PDE10A: variants seen among roughly 807,000 people sequenced by gnomAD.
PDE10A encodes the protein cAMP and cAMP-inhibited cGMP 3',5'-cyclic phosphodiesterase 10A.
PDE10A carries 39 observed loss-of-function variants against 97.7 expected under a neutral mutation model. That is an observed-to-expected ratio of 0.40 (90% CI 0.31 to 0.52). The LOEUF (loss-of-function observed/expected upper bound fraction) is 0.52. PDE10A is among the 20% of genes least tolerant of loss of function. The probability of loss-of-function intolerance (pLI) is 0.56; values close to 1 mark genes in which losing one functional copy is unlikely to be tolerated. For synonymous variants in PDE10A, 371 were observed against 376.8 expected (o/e 0.98, Z 0.18); for missense variants, 731 against 1,047.8 (o/e 0.70, Z 4.17).
chr6:165,335,784 C>G (rs895880436), intron 21 of PDE10A, among the ~76,000 whole-genome samples: 2 of 152,146 alleles, frequency 1.3e-5, no homozygotes, highest in African/African-American at 4.8e-5. Context: ...TCTCCCACAC[C>G]GAGACAGAGG....
chr6:165,482,282 TG>T, intron 3 of PDE10A, 32 bp downstream of exon 3: 1 of 1,376,608 alleles, frequency 7.3e-7, no homozygotes, highest in East Asian at 2.3e-5. Context: ...TTTCCTATAC[TG>T]CAGTAGTAGA....
intron 1 of PDE10A, among the ~76,000 whole-genome samples, chr6:165,963,950 G>T (rs752205295): frequency 1.3e-5 from 2 of 152,204 alleles, no homozygotes; most frequent in African/African-American, 4.8e-5. Context: ...GCAAGAATCC[G>T]TCAGCTAAGG....
At chr6:165,816,355 A>C (rs1312023837) in intron 1 of PDE10A, among the ~76,000 whole-genome samples, 1 of 152,232 alleles carries the variant, frequency 6.6e-6, no homozygotes, top group African/African-American at 2.4e-5. Flanking sequence ...CATTCACTAC[A>C]TCCTCACTCT....
chr6:165,397,378 T>G (rs1002415748), intron 13 of PDE10A, among the ~76,000 whole-genome samples: 1 of 152,064 alleles, frequency 6.6e-6, no homozygotes, highest in African/African-American at 2.4e-5. Flanking sequence ...TAAAGGATAG[T>G]TCACCATCTA....
Position 165,902,984 on chromosome 6 carries a change from C to T in PDE10A, c.-615+84545G>A, listed in dbSNP as rs546286292. On this transcript the variant is annotated intron_variant, in intron 1 of 19. Transcript: ENST00000366882. ...TATGTGGCCTATTTGTTACAGCAGC[C>T]GGCATTACTGTTACTAACACTACAA... Among the ~76,000 whole-genome samples the T allele has an allele frequency of 1.5e-4, 23 of 152,276 alleles. No individual in the cohort carries two copies. The South Asian group carries it at 2.3e-3, about 15-fold the overall frequency.
At chr6:165,417,887 C>T (rs943131929) in intron 11 of PDE10A, among the ~76,000 whole-genome samples, 5 of 152,174 alleles carry the variant, frequency 3.3e-5, no homozygotes, top group African/African-American at 1.2e-4. Flanking sequence ...TACCAGAGAA[C>T]TTTACGGTGT....
At position 165,711,856 on chromosome 6, in the gene PDE10A, A is replaced by G. The variant is rs774437309; in HGVS notation, c.-614-168288T>C. On this transcript the variant is annotated intron_variant, in intron 1 of 19. Coordinates refer to the PDE10A transcript ENST00000366882. The surrounding 1 kb of genome is among the most constrained non-coding windows in gnomAD (Gnocchi z 4.5). ...TGCTTTAGCATAAACAGCGGGATGTAGGAGTGTGTTGGTTGGTTTTATTCT... is the reference window on the plus strand; with the variant it reads ...TGCTTTAGCATAAACAGCGGGATGTGGGAGTGTGTTGGTTGGTTTTATTCT... 6.6e-6 allele frequency among the ~76,000 whole-genome samples: 1 copy of G among 152,168 alleles called. No homozygotes were observed. Among genetic ancestry groups the G allele is most frequent in the East Asian group, 1.9e-4 (1 of 5,190 alleles).
At chr6:165,984,093 G>A (rs181682463) in intron 1 of PDE10A, among the ~76,000 whole-genome samples, 1 of 152,188 alleles carries the variant, frequency 6.6e-6, no homozygotes, top group Non-Finnish European at 1.5e-5. Flanking sequence ...CATATTCTCA[G>A]ACAATTACCA....
chr6:165,830,256 C>T (rs868553398), intron 1 of PDE10A, among the ~76,000 whole-genome samples: 1 of 152,222 alleles, frequency 6.6e-6, no homozygotes, highest in Non-Finnish European at 1.5e-5. Flanking sequence ...AAAGGCGCCT[C>T]TGTCCCGCAC....
intron 1 of PDE10A, among the ~76,000 whole-genome samples, chr6:165,766,831 C>T (rs1412042335): frequency 2.6e-5 from 4 of 152,188 alleles, no homozygotes; most frequent in African/African-American, 9.7e-5. Context: ...GTACTTAGAA[C>T]CATTCCATTT....
chr6:165,692,908 AGT>A (rs1391482386), intron 1 of PDE10A, among the ~76,000 whole-genome samples: 1 of 152,204 alleles, frequency 6.6e-6, no homozygotes, highest in Admixed American at 6.5e-5. Flanking sequence ...CTAAATCCGC[AGT>A]GTCTGTACGG....
At chr6:165,785,081 G>T (rs1015261593) in intron 1 of PDE10A, among the ~76,000 whole-genome samples, 2 of 152,226 alleles carry the variant, frequency 1.3e-5, no homozygotes, top group Non-Finnish European at 2.9e-5. Context: ...GAGTCTCAAA[G>T]ACATGAATTC....
chr6:165,716,363 T>C (rs914176931), intron 1 of PDE10A, among the ~76,000 whole-genome samples: 2 of 152,256 alleles, frequency 1.3e-5, no homozygotes, highest in African/African-American at 4.8e-5. Flanking sequence ...AAATGCAAGC[T>C]GCCTGGGCCT....
intron 4 of PDE10A, 30 bp from the exon 5 acceptor site, chr6:165,449,007 T>C (rs1364237979): frequency 1.3e-6 from 2 of 1,567,964 alleles, no homozygotes; most frequent in Non-Finnish European, 1.8e-6. Flanking sequence ...AGGAAGAAAC[T>C]GAGCTCAGTG....
chr6:165,712,773 G>A (rs1378039331), intron 1 of PDE10A, among the ~76,000 whole-genome samples: 1 of 151,214 alleles, frequency 6.6e-6, no homozygotes, highest in Non-Finnish European at 1.5e-5. Flanking sequence ...CGGAGCATCT[G>A]GGACTACAGG....
At position 165,450,430 on chromosome 6, in the gene PDE10A, GT is replaced by G. The variant is rs1420818459; in HGVS notation, c.1024-69del. ...AAATATAACAAAAATTCCTTAGTCT[GT>G]AAGACATACTATTAATATATGTGAC... On this transcript the variant is annotated intron_variant, in intron 3 of 21. Coordinates refer to ENST00000539869, the MANE Select transcript of PDE10A (RefSeq NM_001385079.1). 8.6e-6 allele frequency: 7 copies of G among 816,058 alleles called. No homozygotes were observed. The Admixed American group carries it at 1.8e-4, about 20-fold the overall frequency. The allele number at this position is 816,058 out of a possible 1,614,324, so 50.6% of individuals were successfully genotyped here. A position where few individuals can be genotyped will look rare whatever the true frequency, so the allele number is the denominator to read the frequency against.
At chr6:165,875,710 T>A (rs1400991497) in intron 1 of PDE10A, among the ~76,000 whole-genome samples, 1 of 149,342 alleles carries the variant, frequency 6.7e-6, no homozygotes, top group East Asian at 2.0e-4. Flanking sequence ...GGGTTTCTGA[T>A]AGGACTTATT....
intron 1 of PDE10A, among the ~76,000 whole-genome samples, chr6:165,575,635 C>T (rs1008489836): frequency 2.6e-5 from 4 of 152,174 alleles, no homozygotes; most frequent in African/African-American, 7.2e-5. Context: ...AACAACAAAA[C>T]ATCCTTCACA....
At chr6:165,548,569 G>A (rs1448269765) in intron 1 of PDE10A, among the ~76,000 whole-genome samples, 1 of 152,070 alleles carries the variant, frequency 6.6e-6, no homozygotes, top group African/African-American at 2.4e-5. Flanking sequence ...TAGTCCTCAA[G>A]GCCTGAAGAG....
Sources: allele counts gnomAD v4.1 joint callset (sites outside exome capture counted in the v4.1 genomes callset), GRCh38; gene constraint gnomAD v4.1.1; non-coding constraint Gnocchi (gnomAD v3.1); transcripts MANE v1.5; gene names NCBI Gene and HGNC (gene_info 2026-07-23, HGNC 2026-07-21).